SPAG6: variants seen among roughly 807,000 people sequenced by gnomAD.
The protein encoded by SPAG6 is sperm associated antigen 6, also known as sperm-associated antigen 6.
A neutral mutation model predicts 58.5 loss-of-function variants in SPAG6; 49 were observed. The observed-to-expected ratio is 0.84, with a 90% CI of 0.67 to 1.06. SPAG6 has a LOEUF of 1.06. SPAG6 is among the 50% of genes least tolerant of loss of function. The probability of loss-of-function intolerance (pLI) is 0.00; values close to 1 mark genes in which losing one functional copy is unlikely to be tolerated. For synonymous variants in SPAG6, 233 were observed against 225.6 expected (o/e 1.03, Z -0.29); for missense variants, 560 against 611.3 (o/e 0.92, Z 0.89).
In SPAG6 at chr10:22,349,606, A is replaced by G. The variant is rs148570116; in HGVS notation, c.121+3788A>G. On this transcript the variant is annotated intron_variant, in intron 2 of 10. Transcript: ENST00000376624. ...AAGAAAATGACTTTTAAACTTAGCT[A>G]TATAAAATACACTTTTCCTGAACCA... 5.0e-3 allele frequency among the ~76,000 whole-genome samples: 767 copies of G among 152,324 alleles called. 6 individuals carry two copies. The highest frequency in any genetic ancestry group is 0.018 in the African/African-American group (736 of 41,582).
intron 4 of SPAG6, among the ~76,000 whole-genome samples, chr10:22,386,540 T>A (rs1162389151): frequency 6.6e-6 from 1 of 152,110 alleles, no homozygotes; most frequent in Non-Finnish European, 1.5e-5. Flanking sequence ...AATGTGTTCA[T>A]GTAAATGGAG....
intron 4 of SPAG6, among the ~76,000 whole-genome samples, chr10:22,385,575 A>T (rs1462107618): frequency 1.3e-5 from 2 of 152,160 alleles, no homozygotes; most frequent in Non-Finnish European, 2.9e-5. Flanking sequence ...TTCCATTAAT[A>T]CTTGTTTAAT....
intron 3 of SPAG6, among the ~76,000 whole-genome samples, chr10:22,366,546 G>T (rs983643148): frequency 1.3e-5 from 2 of 152,166 alleles, no homozygotes; most frequent in African/African-American, 4.8e-5. Context: ...CTTTAAAATG[G>T]TTAAAATGGT....
At chr10:22,405,954 G>A (rs1834542773) in intron 9 of SPAG6, among the ~76,000 whole-genome samples, 1 of 152,134 alleles carries the variant, frequency 6.6e-6, no homozygotes, top group Non-Finnish European at 1.5e-5. Context: ...TCTGATGGTA[G>A]TTTGTATTTC....
chr10:22,353,744 A>G (rs947633086), intron 2 of SPAG6, among the ~76,000 whole-genome samples: 2 of 152,246 alleles, frequency 1.3e-5, no homozygotes, highest in Non-Finnish European at 2.9e-5. Context: ...ATGGAAAGAC[A>G]TATAAATAAA....
chr10:22,381,971 A>G (rs1833967613), intron 4 of SPAG6, among the ~76,000 whole-genome samples: 1 of 152,234 alleles, frequency 6.6e-6, no homozygotes, highest in Non-Finnish European at 1.5e-5. Flanking sequence ...GATCACTGCA[A>G]GCTTAGCCCT....
At chr10:22,403,240 C>T (rs1018023236) in intron 9 of SPAG6, among the ~76,000 whole-genome samples, 4 of 152,104 alleles carry the variant, frequency 2.6e-5, no homozygotes, top group Admixed American at 6.5e-5. Context: ...CCCACTAACT[C>T]GTCATCTAGC....
chr10:22,365,056 T>C, intron 3 of SPAG6, 37 bp downstream of exon 3: 1 of 1,468,126 alleles, frequency 6.8e-7, no homozygotes, highest in Non-Finnish European at 9.2e-7. Flanking sequence ...TGTTTTTTTG[T>C]TTTAGATTTT....
chr10:22,383,408 G>C (rs1428039892), intron 4 of SPAG6, among the ~76,000 whole-genome samples: 1 of 152,142 alleles, frequency 6.6e-6, no homozygotes, highest in Non-Finnish European at 1.5e-5. Context: ...AGGAGGCTGA[G>C]GTGGGTGGAT....
chr10:22,379,162 C>T (rs1402007428), intron 4 of SPAG6, among the ~76,000 whole-genome samples: 1 of 152,146 alleles, frequency 6.6e-6, no homozygotes, highest in African/African-American at 2.4e-5. Context: ...CCCCTTTATG[C>T]TTTTCTCACT....
chr10:22,382,190 G>A (rs187703751), intron 4 of SPAG6, among the ~76,000 whole-genome samples: 4 of 152,186 alleles, frequency 2.6e-5, no homozygotes, highest in South Asian at 2.1e-4. Flanking sequence ...AAAAGATTAC[G>A]CTTCCCCCTC....
intron 9 of SPAG6, among the ~76,000 whole-genome samples, chr10:22,410,590 G>A (rs994787109): frequency 6.6e-6 from 1 of 152,060 alleles, no homozygotes; most frequent in Non-Finnish European, 1.5e-5. Flanking sequence ...GTAGCAGCGT[G>A]GGCAAAGGCA....
At chr10:22,346,500 C>CTTCTTCTTCT (rs1836557951) in intron 2 of SPAG6, among the ~76,000 whole-genome samples, 1 of 111,038 alleles carries the variant, frequency 9.0e-6, no homozygotes, top group Admixed American at 9.2e-5. Flanking sequence ...CTTCTTCTTT[C>CTTCTTCTTCT]TTCTTCTTCT....
rs1262143218 is a variant in SPAG6 at position 22,407,330 on chromosome 10, C to T, written c.1315-3701C>T. ...CTTCAGGAGCTCTTTTAGGGCAGGC[C>T]TGGTGGTGACAAAATCTCTCAGCAT... On this transcript the variant is annotated intron_variant, in intron 9 of 10. Transcript: ENST00000376624. Among the ~76,000 whole-genome samples the T allele has an allele frequency of 4.0e-5, 6 of 151,746 alleles. No individual in the cohort carries two copies. In the East Asian group the frequency reaches 1.2e-3, roughly 29 times the overall value.
In SPAG6 at chr10:22,345,602, C is replaced by G; in HGVS notation, c.-10C>G. The G allele has an allele frequency of 6.5e-7, 1 of 1,528,890 alleles. No individual in the cohort carries two copies. The highest frequency in any genetic ancestry group is 8.8e-7 in the Non-Finnish European group (1 of 1,139,376). The allele number at this position is 1,528,890 out of a possible 1,614,324, so 94.7% of individuals were successfully genotyped here. On this transcript the variant is annotated 5_prime_UTR_variant, in exon 1 of 11. Transcript: ENST00000376624. This position sits in a 1 kb window ranked among gnomAD's most constrained non-coding sequence, Gnocchi z 6.3. ...AGAGCTCGAGGAGGGCAGACGGCGG[C>G]GGGGGCGCCATGAGTCAGAGGCAGG... is the stretch of plus-strand genomic sequence containing the variant.
At chr10:22,346,114 A>T in intron 2 of SPAG6, 1 of 1,435,556 alleles carries the variant, frequency 7.0e-7, no homozygotes, top group East Asian at 3.0e-5. Context: ...ATGGGACTCT[A>T]CCCTAATGAG....
At chr10:22,412,134 C>A (rs1184231273) in intron 10 of SPAG6, among the ~76,000 whole-genome samples, 7 of 152,134 alleles carry the variant, frequency 4.6e-5, no homozygotes, top group Non-Finnish European at 7.4e-5. Flanking sequence ...CAGGCGTGAG[C>A]CACCGCGACC....
At chr10:22,408,664 C>G (rs2130637871) in intron 9 of SPAG6, among the ~76,000 whole-genome samples, 1 of 152,286 alleles carries the variant, frequency 6.6e-6, no homozygotes, top group South Asian at 2.1e-4. Context: ...TGGGCTGCAC[C>G]CAGTTGGAGC....
At chr10:22,384,309 T>A (rs978547051) in intron 4 of SPAG6, among the ~76,000 whole-genome samples, 2 of 152,172 alleles carry the variant, frequency 1.3e-5, no homozygotes, top group Non-Finnish European at 2.9e-5. Flanking sequence ...GACTTCTGCT[T>A]AGGTCTAGGA....
Sources: allele counts gnomAD v4.1 joint callset (sites outside exome capture counted in the v4.1 genomes callset), GRCh38; gene constraint gnomAD v4.1.1; non-coding constraint Gnocchi (gnomAD v3.1); transcripts MANE v1.5; gene names NCBI Gene and HGNC (gene_info 2026-07-23, HGNC 2026-07-21).